Variants in PRDM16 observed in about 807,000 individuals in gnomAD.
PRDM16 encodes the protein histone-lysine N-methyltransferase PRDM16.
Under a neutral mutation model 110.6 loss-of-function variants are expected in PRDM16, and 23 were observed. That is an observed-to-expected ratio of 0.21 (90% CI 0.15 to 0.29). The LOEUF (loss-of-function observed/expected upper bound fraction) is 0.29, where lower values mean the gene tolerates loss of function less well. PRDM16 is among the 10% of genes least tolerant of loss of function. The pLI is 1.00. For missense variants in PRDM16, 1,615 were observed against 1,794.3 expected (o/e 0.90, Z 1.81); for synonymous variants, 799 against 781.8 (o/e 1.02, Z -0.37).
intron 2 of PRDM16, among the ~76,000 whole-genome samples, chr1:3,191,063 C>T (rs1482113197): frequency 2.0e-5 from 3 of 152,132 alleles, no homozygotes; most frequent in Non-Finnish European, 4.4e-5. Flanking sequence ...CCAAGGTCTG[C>T]TTGTTTCTTT....
intron 1 of PRDM16, among the ~76,000 whole-genome samples, chr1:3,139,453 T>C (rs1376634863): frequency 6.6e-6 from 1 of 152,208 alleles, no homozygotes; most frequent in Non-Finnish European, 1.5e-5. Context: ...CTGAGCACCC[T>C]TGGGAGAGCA....
At chr1:3,329,785 G>A (rs533084950) in intron 3 of PRDM16, among the ~76,000 whole-genome samples, 4 of 152,322 alleles carry the variant, frequency 2.6e-5, no homozygotes, top group African/African-American at 7.2e-5. Context: ...AGAGGGGCAC[G>A]CCTGGGAGAG....
chr1:3,362,923 C>A (rs376313581), intron 3 of PRDM16, among the ~76,000 whole-genome samples: 2 of 152,194 alleles, frequency 1.3e-5, no homozygotes, highest in Admixed American at 1.3e-4. Flanking sequence ...CACACAGGAA[C>A]GAGCCCTCTT....
chr1:3,365,214 A>T (rs1227381334), intron 3 of PRDM16, among the ~76,000 whole-genome samples: 1 of 151,984 alleles, frequency 6.6e-6, no homozygotes, highest in East Asian at 1.9e-4. Flanking sequence ...GGGCGCAGTG[A>T]CCCTGGGCGC....
At position 3,437,121 on chromosome 1, in the gene PRDM16, C is replaced by T. The variant is rs961919349; in HGVS notation, c.*3310C>T. ...ACCCAGAGGATCGAGCCCCTGCACC[C>T]TGCCTGGGGCCCTGGGGTGTGGAGC... On this transcript the variant is annotated 3_prime_UTR_variant, in exon 17 of 17. Transcript: ENST00000270722. 7 of 231,686 alleles carry T rather than the reference C, an allele frequency of 3.0e-5. No individual in the cohort carries two copies. Among genetic ancestry groups the T allele is most frequent in the Non-Finnish European group, 5.1e-5 (6 of 117,192 alleles). The allele number at this position is 231,686 out of a possible 1,614,324, so 14.4% of individuals were successfully genotyped here. A position where few individuals can be genotyped will look rare whatever the true frequency, so the allele number is the denominator to read the frequency against.
At chr1:3,426,331 A>G in intron 14 of PRDM16, 106 bp downstream of exon 14, 1 of 863,430 alleles carries the variant, frequency 1.2e-6, no homozygotes, top group Non-Finnish European at 1.8e-6. Context: ...CCCCTAACAC[A>G]TCCAGATAGG....
At chr1:3,313,685 C>G (rs1236195594) in intron 3 of PRDM16, among the ~76,000 whole-genome samples, 1 of 152,248 alleles carries the variant, frequency 6.6e-6, no homozygotes, top group Non-Finnish European at 1.5e-5. Context: ...CCAGGGGCTT[C>G]CGCCAGTGCC....
At chr1:3,094,779 G>A (rs544271250) in intron 1 of PRDM16, among the ~76,000 whole-genome samples, 4 of 152,316 alleles carry the variant, frequency 2.6e-5, no homozygotes, top group South Asian at 4.2e-4. Flanking sequence ...GGTGCTTCCC[G>A]GCCTCCCTGG....
At chr1:3,193,608 C>T (rs986838448) in intron 2 of PRDM16, among the ~76,000 whole-genome samples, 3 of 152,186 alleles carry the variant, frequency 2.0e-5, no homozygotes, top group Non-Finnish European at 4.4e-5. Context: ...AAGGCTCAAC[C>T]CAGGGAGCTC....
At chr1:3,137,481 C>T (rs1643463523) in intron 1 of PRDM16, among the ~76,000 whole-genome samples, 1 of 152,222 alleles carries the variant, frequency 6.6e-6, no homozygotes, top group South Asian at 2.1e-4. Flanking sequence ...ATTCCAGCAG[C>T]AGCACCCCTC....
At chr1:3,181,272 CCTTACGCATGGT>C (rs1644169621) in intron 1 of PRDM16, among the ~76,000 whole-genome samples, 1 of 85,192 alleles carries the variant, frequency 1.2e-5, no homozygotes, top group Admixed American at 1.2e-4. Context: ...TTACACACGG[CCTTACGCATGGT>C]CTTACACACG....
intron 16 of PRDM16, among the ~76,000 whole-genome samples, chr1:3,433,211 C>T (rs75978000): frequency 0.061 from 9,352 of 152,344 alleles, 365 homozygotes; most frequent in Middle Eastern, 0.099. Context: ...CCTGCACCAG[C>T]ACCCCAATGT....
intron 3 of PRDM16, among the ~76,000 whole-genome samples, chr1:3,296,524 GT>G (rs1402632040): frequency 1.3e-5 from 2 of 152,236 alleles, no homozygotes; most frequent in Non-Finnish European, 2.9e-5. Context: ...TCGTGTTGCT[GT>G]TTGATGTGCA....
rs1476064521 is a variant in PRDM16, at chr1:3,390,153, C to CG, written c.573+4873dup. 6.6e-6 allele frequency among the ~76,000 whole-genome samples: 1 copy of CG among 152,124 alleles called. No individual in the cohort carries two copies. The highest frequency in any genetic ancestry group is 1.5e-5 in the Non-Finnish European group (1 of 68,018). On this transcript the variant is annotated intron_variant, in intron 4 of 16. Coordinates refer to ENST00000270722, the MANE Select transcript of PRDM16 (RefSeq NM_022114.4). This position sits in a 1 kb window ranked among gnomAD's most constrained non-coding sequence, Gnocchi z 5.0. ...CAAGAGCTTGGCGATGAAGCGCCTG[C>CG]GGGGGGATGCGGGAGGCAGGGAGGA...
At chr1:3,315,063 G>A (rs1237071375) in intron 3 of PRDM16, among the ~76,000 whole-genome samples, 1 of 104,974 alleles carries the variant, frequency 9.5e-6, no homozygotes, top group South Asian at 3.5e-4. Flanking sequence ...CCCGCTCCTC[G>A]AAGGCCAGTG....
At chr1:3,147,226 C>T (rs1643690936) in intron 1 of PRDM16, among the ~76,000 whole-genome samples, 1 of 151,852 alleles carries the variant, frequency 6.6e-6, no homozygotes, top group African/African-American at 2.4e-5. Context: ...TGTGTGTGCA[C>T]ACGTGTGCAT....
At chr1:3,123,803 C>T (rs1170014015) in intron 1 of PRDM16, among the ~76,000 whole-genome samples, 3 of 152,240 alleles carry the variant, frequency 2.0e-5, no homozygotes, top group Non-Finnish European at 2.9e-5. Flanking sequence ...ACATCAAGTC[C>T]GAGCTCCGAG....
intron 1 of PRDM16, among the ~76,000 whole-genome samples, chr1:3,134,569 G>C (rs1020263712): frequency 1.3e-5 from 2 of 151,202 alleles, no homozygotes; most frequent in African/African-American, 4.9e-5. Context: ...CCGAGGGCGC[G>C]TGGAGCCCGC....
intron 1 of PRDM16, among the ~76,000 whole-genome samples, chr1:3,115,548 G>A (rs1239957275): frequency 6.6e-6 from 1 of 152,230 alleles, no homozygotes; most frequent in East Asian, 1.9e-4. Context: ...GGACAAAGGC[G>A]AGATCCCCCC....
Sources: gnomAD v4.1 joint callset for allele counts (sites outside exome capture counted in the v4.1 genomes callset) on GRCh38, gnomAD v4.1.1 for gene constraint, Gnocchi (gnomAD v3.1) non-coding constraint, MANE v1.5 for transcripts, NCBI Gene and HGNC (gene_info 2026-07-23, HGNC 2026-07-21) for gene names.